The following CNTN5 variants were observed in gnomAD, a reference collection of about 807,000 sequenced individuals.
CNTN5 encodes contactin 5.
A neutral mutation model predicts 129.1 loss-of-function variants in CNTN5; 77 were observed. The observed-to-expected ratio is 0.60, with a 90% CI of 0.50 to 0.72. CNTN5 has a LOEUF of 0.72. Among genes scored for constraint, CNTN5 ranks in the 30% least tolerant of loss-of-function variants. The pLI is 0.00. For missense variants in CNTN5, 1,478 were observed against 1,328.8 expected (o/e 1.11, Z -1.75); for synonymous variants, 509 against 465.6 (o/e 1.09, Z -1.20).
chr11:100,281,669 T>C (rs968388920), intron 18 of CNTN5, among the ~76,000 whole-genome samples: 1 of 152,178 alleles, frequency 6.6e-6, no homozygotes, highest in African/African-American at 2.4e-5. Flanking sequence ...TCCATTTGAA[T>C]AAACTTCATA....
In CNTN5 at chr11:100,255,932, A is replaced by T. The variant is rs1367693166; in HGVS notation, c.2164+14A>T. On this transcript the variant is annotated intron_variant, in intron 17 of 24. Coordinates refer to ENST00000524871, the MANE Select transcript of CNTN5 (RefSeq NM_014361.4). ...CAGTAAAGACAGGTAAGAGGCACTA[A>T]AGCAACATCAGATATAACCAGAGTG... 1 of 1,612,946 alleles carries T rather than the reference A, an allele frequency of 6.2e-7. No homozygotes were observed. Among genetic ancestry groups the T allele is most frequent in the African/African-American group, 1.3e-5 (1 of 74,910 alleles).
intron 1 of CNTN5, among the ~76,000 whole-genome samples, chr11:99,233,409 GTTA>G (rs1342440896): frequency 2.6e-5 from 4 of 152,196 alleles, no homozygotes; most frequent in African/African-American, 9.7e-5. Flanking sequence ...ATACTGGGGT[GTTA>G]TTGAGTGATT....
intron 3 of CNTN5, among the ~76,000 whole-genome samples, chr11:99,595,752 C>T (rs985714279): frequency 2.9e-5 from 3 of 102,488 alleles, no homozygotes; most frequent in Non-Finnish European, 3.9e-5. Context: ...TGAATTCCTC[C>T]TTCTGCCATA....
At chr11:100,265,089 G>C (rs1373394424) in intron 17 of CNTN5, among the ~76,000 whole-genome samples, 1 of 151,814 alleles carries the variant, frequency 6.6e-6, no homozygotes, top group Admixed American at 6.6e-5. Flanking sequence ...ATATTTTTCA[G>C]AGTTCTTTTT....
At chr11:99,241,318 G>GGT (rs1555086937) in intron 1 of CNTN5, among the ~76,000 whole-genome samples, 3 of 88,050 alleles carry the variant, frequency 3.4e-5, no homozygotes, top group African/African-American at 4.4e-5. Context: ...TTGATTGTTG[G>GGT]TTTTTTTTTT....
intron 7 of CNTN5, among the ~76,000 whole-genome samples, chr11:99,942,775 G>T (rs1950468952): frequency 6.6e-6 from 1 of 152,006 alleles, no homozygotes; most frequent in African/African-American, 2.4e-5. Flanking sequence ...AGAACATGTG[G>T]TTTTTGGTTT....
At chr11:100,276,961 C>A (rs1950526620) in intron 18 of CNTN5, among the ~76,000 whole-genome samples, 1 of 151,994 alleles carries the variant, frequency 6.6e-6, no homozygotes, top group Non-Finnish European at 1.5e-5. Context: ...TTCCCCCCAA[C>A]CCCCACTACC....
intron 2 of CNTN5, among the ~76,000 whole-genome samples, chr11:99,384,585 A>G (rs897574602): frequency 5.9e-5 from 9 of 152,168 alleles, no homozygotes; most frequent in African/African-American, 2.2e-4. Flanking sequence ...AGTGCATCCA[A>G]GTTCTATAAA....
At chr11:99,778,776 A>T (rs1945212577) in intron 3 of CNTN5, among the ~76,000 whole-genome samples, 1 of 151,948 alleles carries the variant, frequency 6.6e-6, no homozygotes. Context: ...AAGAAATAAA[A>T]AGTGAGTTCA....
chr11:99,870,885 A>C (rs1050292605), intron 6 of CNTN5, among the ~76,000 whole-genome samples: 1 of 152,092 alleles, frequency 6.6e-6, no homozygotes, highest in Non-Finnish European at 1.5e-5. Context: ...TGAGTTTCAT[A>C]GCAATAACAT....
intron 13 of CNTN5, among the ~76,000 whole-genome samples, chr11:100,166,115 G>C (rs990133436): frequency 3.6e-4 from 55 of 151,702 alleles, no homozygotes; most frequent in African/African-American, 1.3e-3. Context: ...CTGATTTCAT[G>C]AATCCCTTTA....
At chr11:100,026,284 T>C (rs1941415728) in intron 9 of CNTN5, among the ~76,000 whole-genome samples, 1 of 152,116 alleles carries the variant, frequency 6.6e-6, no homozygotes, top group Admixed American at 6.5e-5. Context: ...TTCTTCACTT[T>C]CCACCAAGAT....
chr11:99,790,825 A>G (rs933164305), intron 3 of CNTN5, among the ~76,000 whole-genome samples: 1 of 152,074 alleles, frequency 6.6e-6, no homozygotes, highest in African/African-American at 2.4e-5. Context: ...CAACCTCGCC[A>G]GCATGTTATT....
At chr11:99,977,671 A>C (rs538368323) in intron 8 of CNTN5, among the ~76,000 whole-genome samples, 1 of 152,268 alleles carries the variant, frequency 6.6e-6, no homozygotes, top group South Asian at 2.1e-4. Context: ...ATGAGACAGC[A>C]CTAGGGGGAT....
chr11:99,558,028 T>G (rs1353560936), intron 3 of CNTN5, among the ~76,000 whole-genome samples: 2 of 151,772 alleles, frequency 1.3e-5, no homozygotes, highest in African/African-American at 2.4e-5. Context: ...ATAAGAGACA[T>G]GCAAGGAAAA....
intron 13 of CNTN5, among the ~76,000 whole-genome samples, chr11:100,126,858 T>C (rs930119759): frequency 6.6e-6 from 1 of 152,080 alleles, no homozygotes; most frequent in Non-Finnish European, 1.5e-5. Context: ...TTCTATTCTA[T>C]GGTTGCTTTA....
intron 1 of CNTN5, among the ~76,000 whole-genome samples, chr11:99,096,927 A>C (rs1328576415): frequency 2.0e-5 from 3 of 151,902 alleles, no homozygotes; most frequent in African/African-American, 7.2e-5. Context: ...TGTAGTTCTC[A>C]ATTTATAAAT....
chr11:99,186,486 T>A (rs1234007560), intron 1 of CNTN5, among the ~76,000 whole-genome samples: 1 of 151,980 alleles, frequency 6.6e-6, no homozygotes, highest in Non-Finnish European at 1.5e-5. Flanking sequence ...TTGAACTGGG[T>A]TTTTGTATAC....
At chr11:99,956,752 T>C in intron 7 of CNTN5, 54 bp from the exon 8 acceptor site, 1 of 1,327,484 alleles carries the variant, frequency 7.5e-7, no homozygotes, top group Middle Eastern at 1.8e-4. Context: ...TTGAGCTTTG[T>C]CTGTTAATGA....
Sources: allele counts gnomAD v4.1 joint callset (sites outside exome capture counted in the v4.1 genomes callset), GRCh38; gene constraint gnomAD v4.1.1; transcripts MANE v1.5; gene names NCBI Gene and HGNC (gene_info 2026-07-23, HGNC 2026-07-21).